Variants in PDE4D observed in about 807,000 individuals in gnomAD.
PDE4D encodes phosphodiesterase 4D.
A neutral mutation model predicts 87.4 loss-of-function variants in PDE4D; 24 were observed. That is an observed-to-expected ratio of 0.27 (90% CI 0.20 to 0.39). The LOEUF is 0.39. PDE4D is among the 10% of genes least tolerant of loss of function. The pLI is 1.00. For missense variants in PDE4D, 714 were observed against 1,041.0 expected (o/e 0.69, Z 4.32); for synonymous variants, 384 against 383.2 (o/e 1.00, Z -0.02).
intron 2 of PDE4D, among the ~76,000 whole-genome samples, chr5:60,049,469 G>C (rs1769798752): frequency 6.6e-6 from 1 of 152,192 alleles, no homozygotes; most frequent in Non-Finnish European, 1.5e-5. Context: ...CAGTTTTTCT[G>C]CTCTGTTTTT....
intron 1 of PDE4D, among the ~76,000 whole-genome samples, chr5:59,301,104 C>T (rs369843306): frequency 6.6e-5 from 10 of 152,092 alleles, no homozygotes; most frequent in African/African-American, 2.2e-4. Flanking sequence ...CCCTGTCCTT[C>T]TGGGATTTTA....
intron 3 of PDE4D, among the ~76,000 whole-genome samples, chr5:59,922,432 G>T (rs1754771924): frequency 1.3e-5 from 2 of 152,124 alleles, no homozygotes; most frequent in South Asian, 2.1e-4. Context: ...GCTTGCAGCT[G>T]CAGGTGAGAC....
chr5:59,581,648 T>C (rs1171290201), intron 1 of PDE4D, among the ~76,000 whole-genome samples: 1 of 152,202 alleles, frequency 6.6e-6, no homozygotes, highest in East Asian at 1.9e-4. Context: ...TTCATTTCCA[T>C]AAGTTGTAAG....
chr5:59,688,817 C>T (rs1750374656), intron 1 of PDE4D, among the ~76,000 whole-genome samples: 1 of 151,664 alleles, frequency 6.6e-6, no homozygotes, highest in Non-Finnish European at 1.5e-5. Context: ...AATTGACGGA[C>T]CACTAGCAAG....
At chr5:59,338,866 AT>A (rs888484721) in intron 1 of PDE4D, among the ~76,000 whole-genome samples, 2 of 152,212 alleles carry the variant, frequency 1.3e-5, no homozygotes, top group African/African-American at 4.8e-5. Context: ...TCTCGATGAC[AT>A]TTTTAGCATA....
intron 2 of PDE4D, among the ~76,000 whole-genome samples, chr5:59,214,355 C>T (rs1030928565): frequency 1.3e-5 from 2 of 152,108 alleles, no homozygotes; most frequent in Non-Finnish European, 2.9e-5. Context: ...TGCCAGGTTT[C>T]GCTATTCACA....
intron 1 of PDE4D, among the ~76,000 whole-genome samples, chr5:60,217,128 A>C (rs1364740304): frequency 6.6e-6 from 1 of 152,036 alleles, no homozygotes; most frequent in African/African-American, 2.4e-5. Flanking sequence ...AGCATGGATA[A>C]ATCTTGAGGA....
chr5:59,453,670 G>A (rs987380054), intron 1 of PDE4D, among the ~76,000 whole-genome samples: 3 of 152,172 alleles, frequency 2.0e-5, no homozygotes, highest in Admixed American at 6.5e-5. Flanking sequence ...GATTGATAGA[G>A]ATGAGGAAGC....
At chr5:59,738,061 A>C (rs577148729) in intron 1 of PDE4D, among the ~76,000 whole-genome samples, 2 of 152,296 alleles carry the variant, frequency 1.3e-5, no homozygotes, top group African/African-American at 4.8e-5. Context: ...AAATTCAGTG[A>C]GCAAGAGATA....
intron 2 of PDE4D, among the ~76,000 whole-genome samples, chr5:60,086,832 G>T (rs1358169384): frequency 6.6e-6 from 1 of 152,234 alleles, no homozygotes; most frequent in Non-Finnish European, 1.5e-5. Flanking sequence ...TAATCTCAAA[G>T]ACTGGCATGC....
At chr5:59,007,604 G>A (rs888257108) in intron 6 of PDE4D, among the ~76,000 whole-genome samples, 13 of 152,004 alleles carry the variant, frequency 8.6e-5, no homozygotes, top group African/African-American at 3.1e-4. Context: ...CTAGTATTCT[G>A]AAAACATCGT....
intron 6 of PDE4D, among the ~76,000 whole-genome samples, chr5:59,012,027 A>G (rs937134310): frequency 6.6e-6 from 1 of 152,212 alleles, no homozygotes; most frequent in African/African-American, 2.4e-5. Flanking sequence ...AGAATTTTCA[A>G]CTCAGAATTT....
intron 1 of PDE4D, among the ~76,000 whole-genome samples, chr5:60,424,654 T>C (rs551496761): frequency 1.2e-4 from 18 of 152,172 alleles, no homozygotes; most frequent in Non-Finnish European, 1.9e-4. Flanking sequence ...ACCACCCCTA[T>C]GCAACTTAGT....
intron 5 of PDE4D, among the ~76,000 whole-genome samples, chr5:59,050,199 G>A (rs966743342): frequency 7.2e-5 from 11 of 152,108 alleles, no homozygotes; most frequent in Admixed American, 2.0e-4. Context: ...CCCGGGAGGC[G>A]GAGGTTACAG....
At chr5:59,195,054 C>A (rs935307873) in intron 2 of PDE4D, among the ~76,000 whole-genome samples, 1 of 152,050 alleles carries the variant, frequency 6.6e-6, no homozygotes, top group East Asian at 1.9e-4. Flanking sequence ...ACTTGCCCTT[C>A]CATTTTTCCA....
rs1413687697 is a variant in PDE4D, at chr5:58,971,738, T to TG, written c.*2925dup. The stretch of plus-strand genomic sequence containing the variant: ...GAAATGCACTGGTTTTACACAAACT[T>TG]GGACATTTTTTTCCCCATACAGTAC... On this transcript the variant is annotated 3_prime_UTR_variant, in exon 15 of 15. Transcript: ENST00000340635. 1 of 152,656 alleles carries TG rather than the reference T, an allele frequency of 6.6e-6. No individual in the cohort carries two copies. The highest frequency in any genetic ancestry group is 1.5e-5 in the Non-Finnish European group (1 of 68,024). The allele number at this position is 152,656 out of a possible 1,614,324, so 9.5% of individuals were successfully genotyped here.
At chr5:60,315,232 G>A (rs1044875777) in intron 1 of PDE4D, among the ~76,000 whole-genome samples, 1 of 152,274 alleles carries the variant, frequency 6.6e-6, no homozygotes, top group Non-Finnish European at 1.5e-5. Flanking sequence ...TTCTCTGATG[G>A]CTAGTGATGA....
intron 2 of PDE4D, among the ~76,000 whole-genome samples, chr5:60,069,949 G>A (rs189527683): frequency 1.3e-5 from 2 of 152,056 alleles, no homozygotes; most frequent in Admixed American, 6.6e-5. Flanking sequence ...TAGTTTAGAT[G>A]GGCATTGTTT....
At chr5:59,331,987 T>A (rs1448506206) in intron 1 of PDE4D, among the ~76,000 whole-genome samples, 5 of 152,196 alleles carry the variant, frequency 3.3e-5, no homozygotes, top group Non-Finnish European at 7.3e-5. Flanking sequence ...CTGGCTCTCC[T>A]ATTTCATTTA....
Sources: gnomAD v4.1 joint callset for allele counts (sites outside exome capture counted in the v4.1 genomes callset) on GRCh38, gnomAD v4.1.1 for gene constraint, MANE v1.5 for transcripts, NCBI Gene and HGNC (gene_info 2026-07-23, HGNC 2026-07-21) for gene names.